The following ATP6AP2 variants were observed in gnomAD, a reference collection of about 807,000 sequenced individuals.
ATP6AP2 encodes ATPase H+ transporting accessory protein 2.
A neutral mutation model predicts 23.4 loss-of-function variants in ATP6AP2; 1 was observed. That is an observed-to-expected ratio of 0.04 (90% CI 0.02 to 0.20). The LOEUF (loss-of-function observed/expected upper bound fraction) is 0.20, where lower values mean the gene tolerates loss of function less well. ATP6AP2 is among the 10% of genes least tolerant of loss of function. The pLI is 1.00. For synonymous variants in ATP6AP2, 90 were observed against 97.1 expected (o/e 0.93, Z 0.43); for missense variants, 174 against 271.3 (o/e 0.64, Z 2.52).
intron 3 of ATP6AP2, 91 bp downstream of exon 3, chrX:40,591,456 T>G: frequency 7.0e-6 from 7 of 1,004,375 alleles, no homozygotes; most frequent in Non-Finnish European, 9.6e-6. Flanking sequence ...CATACTTCTC[T>G]TATCTGTTTT....
chrX:40,588,338 C>CACCA (rs199833085), intron 1 of ATP6AP2, among the ~76,000 whole-genome samples: 1 of 43,602 alleles, frequency 2.3e-5, no homozygotes, highest in African/African-American at 7.5e-5. Context: ...ATGTATGCCC[C>CACCA]CCCCCCCCCC....
chrX:40,595,609 A>T (rs1343143840), intron 3 of ATP6AP2, among the ~76,000 whole-genome samples: 1 of 111,964 alleles, frequency 8.9e-6, no homozygotes, highest in African/African-American at 3.2e-5. Flanking sequence ...ACCGAGCGCC[A>T]TTTCACTAAG....
intron 8 of ATP6AP2, 138 bp downstream of exon 8, chrX:40,601,019 A>G (rs1170125808): frequency 1.6e-6 from 1 of 641,824 alleles, no homozygotes; most frequent in Non-Finnish European, 2.3e-6. Context: ...GTTAAAACGT[A>G]AGCTTCTTGT....
intron 1 of ATP6AP2, among the ~76,000 whole-genome samples, chrX:40,588,340 C>CG (rs200464648): frequency 1.7e-5 from 1 of 57,626 alleles, no homozygotes; most frequent in Non-Finnish European, 3.1e-5. Flanking sequence ...GTATGCCCCC[C>CG]CCCCCCCCCA....
chrX:40,602,138 C>T (rs1007543822), intron 8 of ATP6AP2, among the ~76,000 whole-genome samples: 1 of 98,577 alleles, frequency 1.0e-5, no homozygotes, highest in Non-Finnish European at 1.9e-5. Context: ...AAAAATTAGC[C>T]TGGTGTGGTA....
chrX:40,598,614 T>C, intron 5 of ATP6AP2, 67 bp from the exon 6 acceptor site: 1 of 1,038,958 alleles, frequency 9.6e-7, no homozygotes, highest in South Asian at 1.9e-5. Flanking sequence ...CCTTGCTTGG[T>C]AAATGGCAAA....
At chrX:40,581,181 C>A in intron 1 of ATP6AP2, 79 bp downstream of exon 1, 1 of 964,453 alleles carries the variant, frequency 1.0e-6, no homozygotes, top group Non-Finnish European at 1.3e-6. Context: ...CGGCCGCGGG[C>A]GAGTAGCTGC....
At chrX:40,595,708 A>G (rs922146023) in intron 3 of ATP6AP2, 2 of 111,801 alleles carry the variant, frequency 1.8e-5, no homozygotes, top group African/African-American at 6.5e-5. Context: ...AAAGGAAAGC[A>G]CCTATAGATG....
At chrX:40,598,812 G>T in intron 6 of ATP6AP2, 78 bp downstream of exon 6, 1 of 989,126 alleles carries the variant, frequency 1.0e-6, no homozygotes, top group South Asian at 2.0e-5. Flanking sequence ...AAAGGCAGTT[G>T]AAAAGTTTGA....
At chrX:40,587,953 A>G (rs1047600875) in intron 1 of ATP6AP2, among the ~76,000 whole-genome samples, 12 of 113,221 alleles carry the variant, frequency 1.1e-4, no homozygotes, top group Non-Finnish European at 1.7e-4. Flanking sequence ...AAAGACTACA[A>G]AAAGCTCAGG....
chrX:40,600,948 A>AGTCCTAT, intron 8 of ATP6AP2, 67 bp downstream of exon 8: 1 of 865,327 alleles, frequency 1.2e-6, no homozygotes, highest in Non-Finnish European at 1.6e-6. Flanking sequence ...AAAAAAACCA[A>AGTCCTAT]GTCCTATATC....
In ATP6AP2 at chrX:40,581,039, CCGCAGTGCT is replaced by C; in HGVS notation, c.-26_-18del. The C allele has an allele frequency of 8.6e-7, 1 of 1,164,616 alleles. No homozygotes were observed. The highest frequency in any genetic ancestry group is 3.3e-5 in the East Asian group (1 of 30,743). On this transcript the variant is annotated 5_prime_UTR_variant, in exon 1 of 9. Transcript: ENST00000636580. Reference sequence around the variant, plus strand: ...TCCCGCCGGCCCGTTCCGTGTCGCCCCGCAGTGCTGCGGCCGCCGCGGCACCATGGCTGT... The same window carrying C: ...TCCCGCCGGCCCGTTCCGTGTCGCCCGCGGCCGCCGCGGCACCATGGCTGT...
In ATP6AP2 at chrX:40,599,818, T is replaced by C. The variant is rs897481601; in HGVS notation, c.738+77T>C. The C allele has an allele frequency of 7.0e-6, 8 of 1,136,060 alleles. No homozygotes were observed. The Admixed American group carries it at 1.8e-4, about 25-fold the overall frequency. The allele number at this position is 1,136,060 out of a possible 1,213,427, so 93.6% of individuals were successfully genotyped here. On this transcript the variant is annotated intron_variant, in intron 7 of 8. Transcript: ENST00000636580. ...CCTCTTAATAGAAAAATCTGCTGTT[T>C]CAAACACTGTTGATTGAACTCTTAT...
intron 8 of ATP6AP2, among the ~76,000 whole-genome samples, chrX:40,604,176 A>T (rs1259440817): frequency 1.8e-5 from 2 of 112,405 alleles, no homozygotes; most frequent in African/African-American, 6.5e-5. Flanking sequence ...AAAAAGTGTT[A>T]AGTGGATCAT....
At chrX:40,586,282 T>A (rs1926468149) in intron 1 of ATP6AP2, among the ~76,000 whole-genome samples, 1 of 111,617 alleles carries the variant, frequency 9.0e-6, no homozygotes, top group Non-Finnish European at 1.9e-5. Flanking sequence ...TATAGCCACC[T>A]CACTCCTGAT....
intron 8 of ATP6AP2, chrX:40,605,131 T>C (rs1381613750): frequency 7.7e-6 from 1 of 130,469 alleles, no homozygotes; most frequent in South Asian, 2.3e-4. Context: ...GGTTTCACCA[T>C]GTTGGCCAGG....
intron 1 of ATP6AP2, among the ~76,000 whole-genome samples, chrX:40,585,591 C>T (rs1339337186): frequency 9.0e-6 from 1 of 111,585 alleles, no homozygotes; most frequent in Non-Finnish European, 1.9e-5. Context: ...GGGTGGCTCA[C>T]GCCTGTAATC....
intron 7 of ATP6AP2, 100 bp downstream of exon 7, chrX:40,599,841 T>TA: frequency 2.9e-6 from 3 of 1,050,945 alleles, no homozygotes; most frequent in Non-Finnish European, 3.9e-6. Context: ...ATTGAACTCT[T>TA]ATTTGCCTTC....
intron 2 of ATP6AP2, 135 bp downstream of exon 2, chrX:40,589,251 G>A: frequency 1.3e-6 from 1 of 785,158 alleles, no homozygotes; most frequent in Non-Finnish European, 1.8e-6. Context: ...AGCTCATCTG[G>A]ACCAGGCACA....
Sources: allele counts gnomAD v4.1 joint callset (sites outside exome capture counted in the v4.1 genomes callset), GRCh38; gene constraint gnomAD v4.1.1; transcripts MANE v1.5; gene names NCBI Gene and HGNC (gene_info 2026-07-23, HGNC 2026-07-21).